The following LHFPL2 variants were observed in gnomAD, a reference collection of about 807,000 sequenced individuals.
LHFPL2 encodes the protein LHFPL tetraspan subfamily member 2 protein.
LHFPL2 carries 7 observed loss-of-function variants against 17.5 expected under a neutral mutation model. That is an observed-to-expected ratio of 0.40 (90% CI 0.23 to 0.75). The LOEUF is 0.75. Among genes scored for constraint, LHFPL2 ranks in the 30% least tolerant of loss-of-function variants. The pLI, the probability that LHFPL2 is intolerant of heterozygous loss-of-function variation, is 0.37. For missense variants in LHFPL2, 241 were observed against 294.8 expected (o/e 0.82, Z 1.34); for synonymous variants, 134 against 116.2 (o/e 1.15, Z -0.99).
intron 2 of LHFPL2, among the ~76,000 whole-genome samples, chr5:78,620,975 T>C (rs1243377677): frequency 2.6e-5 from 4 of 152,008 alleles, no homozygotes; most frequent in Admixed American, 2.6e-4. Context: ...ACTCCTTTTT[T>C]TTTTTTTTTG....
rs1343308036 is a variant in LHFPL2, at chr5:78,517,971, G to A, written c.-185-7573C>T. 6.6e-5 allele frequency among the ~76,000 whole-genome samples: 10 copies of A among 152,254 alleles called. No homozygotes were observed. In the East Asian group the frequency reaches 9.6e-4, roughly 15 times the overall value. On this transcript the variant is annotated intron_variant, in intron 3 of 4. Coordinates refer to ENST00000380345, the MANE Select transcript of LHFPL2 (RefSeq NM_005779.3). Reference sequence around the variant, plus strand: ...CAAGTCTTTCTTTGTGTGTCTGTCCGACAGGCAGGAGGGGCTGAATAAACC... The same window carrying A: ...CAAGTCTTTCTTTGTGTGTCTGTCCAACAGGCAGGAGGGGCTGAATAAACC...
At chr5:78,587,881 C>A (rs1408277445) in intron 2 of LHFPL2, among the ~76,000 whole-genome samples, 1 of 152,208 alleles carries the variant, frequency 6.6e-6, no homozygotes, top group Admixed American at 6.5e-5. Flanking sequence ...CCTGGCCCAC[C>A]TTCAGAAAGA....
intron 3 of LHFPL2, among the ~76,000 whole-genome samples, chr5:78,522,642 C>A (rs1337029288): frequency 6.6e-6 from 1 of 152,122 alleles, no homozygotes; most frequent in Non-Finnish European, 1.5e-5. Flanking sequence ...ACCAATTGTC[C>A]AAGGTTGAAG....
At chr5:78,603,993 C>A (rs752899700) in intron 2 of LHFPL2, among the ~76,000 whole-genome samples, 4 of 151,910 alleles carry the variant, frequency 2.6e-5, no homozygotes, top group South Asian at 4.2e-4. Flanking sequence ...CTGGGCAACA[C>A]GGCAAGACCC....
At chr5:78,646,036 T>C (rs1340250324) in intron 1 of LHFPL2, among the ~76,000 whole-genome samples, 1 of 152,258 alleles carries the variant, frequency 6.6e-6, no homozygotes, top group African/African-American at 2.4e-5. Context: ...GTTTTCTTTC[T>C]ACCTAAAATA....
intron 4 of LHFPL2, among the ~76,000 whole-genome samples, chr5:78,504,168 C>T (rs1267783576): frequency 6.6e-6 from 1 of 152,194 alleles, no homozygotes; most frequent in Admixed American, 6.5e-5. Flanking sequence ...AAACCAAGAG[C>T]CTCCCTTTGG....
At chr5:78,531,945 G>A (rs1477809379) in intron 3 of LHFPL2, among the ~76,000 whole-genome samples, 2 of 146,282 alleles carry the variant, frequency 1.4e-5, no homozygotes, top group Non-Finnish European at 3.0e-5. Flanking sequence ...TTTTTTTTGA[G>A]ACAGAGTCTC....
chr5:78,562,416 C>T (rs949666475), intron 3 of LHFPL2, among the ~76,000 whole-genome samples: 24 of 152,086 alleles, frequency 1.6e-4, no homozygotes, highest in Admixed American at 9.8e-4. Context: ...TCATATAATG[C>T]GACTGACTAC....
chr5:78,572,502 A>G (rs1289667106), intron 2 of LHFPL2, among the ~76,000 whole-genome samples: 5 of 149,626 alleles, frequency 3.3e-5, no homozygotes, highest in African/African-American at 9.8e-5. Context: ...ATGTGTGTAT[A>G]TATATATATA....
chr5:78,539,133 C>T (rs1756032889), intron 3 of LHFPL2, among the ~76,000 whole-genome samples: 2 of 152,140 alleles, frequency 1.3e-5, no homozygotes, highest in African/African-American at 4.8e-5. Flanking sequence ...ATGGGATCAG[C>T]ATCCTTCCAA....
chr5:78,494,277 G>T (rs1007629828), intron 4 of LHFPL2: 26 of 730,954 alleles, frequency 3.6e-5, no homozygotes, highest in Admixed American at 6.3e-5. Flanking sequence ...AAGAAGAAAT[G>T]GGGGGGAGAA....
chr5:78,554,364 T>C (rs984820221), intron 3 of LHFPL2, among the ~76,000 whole-genome samples: 1 of 152,348 alleles, frequency 6.6e-6, no homozygotes, highest in Admixed American at 6.5e-5. Context: ...ATATCCCAGA[T>C]CTTGCTGGCC....
intron 2 of LHFPL2, among the ~76,000 whole-genome samples, chr5:78,600,799 T>C (rs1263496407): frequency 3.3e-5 from 5 of 152,198 alleles, no homozygotes; most frequent in African/African-American, 7.2e-5. Context: ...CTCAGAGAGA[T>C]ACTACTAACA....
intron 3 of LHFPL2, among the ~76,000 whole-genome samples, chr5:78,561,342 G>T (rs958333995): frequency 6.6e-6 from 1 of 152,204 alleles, no homozygotes; most frequent in Admixed American, 6.5e-5. Flanking sequence ...GCAGCCACAC[G>T]GGGAGATGCT....
chr5:78,643,222 A>C (rs1745741348), intron 1 of LHFPL2, among the ~76,000 whole-genome samples: 1 of 152,156 alleles, frequency 6.6e-6, no homozygotes, highest in African/African-American at 2.4e-5. Context: ...CTAGACTCCA[A>C]ACTTATGTGT....
intron 3 of LHFPL2, among the ~76,000 whole-genome samples, chr5:78,511,286 G>C (rs944063930): frequency 6.6e-6 from 1 of 152,154 alleles, no homozygotes; most frequent in Non-Finnish European, 1.5e-5. Context: ...CCTAAGCTTC[G>C]ATTCACCCCA....
At chr5:78,560,120 G>A (rs909071812) in intron 3 of LHFPL2, among the ~76,000 whole-genome samples, 1 of 152,370 alleles carries the variant, frequency 6.6e-6, no homozygotes, top group African/African-American at 2.4e-5. Context: ...CAGAATGACA[G>A]AGAATAGCTA....
At chr5:78,544,741 G>A (rs1458871639) in intron 3 of LHFPL2, among the ~76,000 whole-genome samples, 1 of 139,944 alleles carries the variant, frequency 7.1e-6, no homozygotes, top group Non-Finnish European at 1.6e-5. Flanking sequence ...GGAAGTCCCA[G>A]GCCATCTTCT....
intron 2 of LHFPL2, among the ~76,000 whole-genome samples, chr5:78,621,587 T>C (rs1166164679): frequency 6.6e-6 from 1 of 152,208 alleles, no homozygotes; most frequent in South Asian, 2.1e-4. Context: ...AAACTCCTGA[T>C]AGTCATTTTT....
Sources: allele counts gnomAD v4.1 joint callset (sites outside exome capture counted in the v4.1 genomes callset), GRCh38; gene constraint gnomAD v4.1.1; transcripts MANE v1.5; gene names NCBI Gene and HGNC (gene_info 2026-07-23, HGNC 2026-07-21).